Variants in WBP1L observed in about 807,000 individuals in gnomAD.
The protein encoded by WBP1L is WW domain binding protein 1-like.
In WBP1L, 17 loss-of-function variants were observed where a neutral mutation model predicts 33.7. The observed-to-expected ratio is 0.50, with a 90% CI of 0.34 to 0.76. The LOEUF is 0.76. WBP1L is among the 30% of genes least tolerant of loss of function. The pLI, the probability that WBP1L is intolerant of heterozygous loss-of-function variation, is 0.01. For synonymous variants in WBP1L, 173 were observed against 190.8 expected, an observed-to-expected ratio of 0.91 and a Z score of 0.77; for missense variants, 389 against 469.4, an observed-to-expected ratio of 0.83 and a Z score of 1.58.
chr10:102,798,244 C>A (rs1843601560), intron 2 of WBP1L, 149 bp downstream of exon 2: 1 of 640,896 alleles, frequency 1.6e-6, no homozygotes, highest in East Asian at 2.8e-5. Flanking sequence ...GAAGTGCTTC[C>A]TTTGTAGAGG....
intron 1 of WBP1L, among the ~76,000 whole-genome samples, chr10:102,785,781 C>T (rs907680453): frequency 1.6e-4 from 24 of 152,346 alleles, no homozygotes; most frequent in Admixed American, 1.2e-3. Flanking sequence ...GCTAAAGAAG[C>T]CATGCTTCTC....
chr10:102,794,539 G>A (rs374629296), intron 1 of WBP1L, among the ~76,000 whole-genome samples: 1 of 151,996 alleles, frequency 6.6e-6, no homozygotes, highest in East Asian at 1.9e-4. Context: ...CAGACCTAGG[G>A]CCATTGAGTA....
In WBP1L at chr10:102,808,987, A is replaced by G. The variant is rs574510531; in HGVS notation, c.194-906A>G. On this transcript the variant is annotated intron_variant, in intron 2 of 3. Transcript: ENST00000448841. ...AACCTATAATACGGGGGGACCCATC[A>G]GTGGTGCTGGAGAGATGCCTTGGCA... Among the ~76,000 whole-genome samples the G allele has an allele frequency of 3.9e-5, 6 of 152,350 alleles. No individual in the cohort carries two copies. The East Asian group carries it at 1.2e-3, about 29-fold the overall frequency.
At chr10:102,790,099 C>T (rs1297920362) in intron 1 of WBP1L, among the ~76,000 whole-genome samples, 1 of 151,784 alleles carries the variant, frequency 6.6e-6, no homozygotes, top group Admixed American at 6.6e-5. Context: ...TTAAATATTT[C>T]CTCTCCTCCA....
intron 2 of WBP1L, among the ~76,000 whole-genome samples, chr10:102,800,854 T>G (rs1408196113): frequency 1.3e-5 from 2 of 152,146 alleles, no homozygotes; most frequent in East Asian, 1.9e-4. Context: ...TTGGGCTGAT[T>G]TCCTTCCCAC....
At chr10:102,769,356 CTTTCTTTTT>C (rs1162696036) in intron 1 of WBP1L, among the ~76,000 whole-genome samples, 1 of 134,664 alleles carries the variant, frequency 7.4e-6, no homozygotes, top group East Asian at 2.1e-4. Context: ...TTTCTTTTTT[CTTTCTTTTT>C]TTTTTTTTTA....
intron 3 of WBP1L, among the ~76,000 whole-genome samples, chr10:102,811,335 G>C (rs970766234): frequency 6.6e-6 from 1 of 152,108 alleles, no homozygotes; most frequent in Non-Finnish European, 1.5e-5. Flanking sequence ...GTGGCATTGG[G>C]ACTTCTGAGC....
intron 1 of WBP1L, among the ~76,000 whole-genome samples, chr10:102,754,412 T>C (rs1028431041): frequency 3.9e-5 from 6 of 152,218 alleles, no homozygotes; most frequent in Non-Finnish European, 8.8e-5. Flanking sequence ...TTCACCTTTT[T>C]TTTGGAGATG....
At chr10:102,784,880 T>C (rs112865568) in intron 1 of WBP1L, among the ~76,000 whole-genome samples, 2 of 37,490 alleles carry the variant, frequency 5.3e-5, no homozygotes, top group Non-Finnish European at 1.1e-4. Context: ...TTCTTTTTTT[T>C]TTTTTTTTAG....
chr10:102,760,854 C>A (rs1388920867), intron 1 of WBP1L, among the ~76,000 whole-genome samples: 1 of 152,070 alleles, frequency 6.6e-6, no homozygotes, highest in Admixed American at 6.6e-5. Context: ...ATCTTTTATC[C>A]AATATATAAA....
At position 102,757,569 on chromosome 10, in the gene WBP1L, CTTT is replaced by C. The variant is rs60213859; in HGVS notation, c.90+13447_90+13449del. The stretch of plus-strand genomic sequence containing the variant: ...TCTCAGGGGAAGATGGTTTCTGAGC[CTTT>C]TTTTTTTTTTTTTTTTTTTTGTTGA... On this transcript the variant is annotated intron_variant, in intron 1 of 3. Coordinates refer to ENST00000448841, the MANE Select transcript of WBP1L (RefSeq NM_001083913.2). Among the ~76,000 whole-genome samples the C allele has an allele frequency of 9.0e-5, 8 of 88,786 alleles. No individual in the cohort carries two copies. The Admixed American group carries it at 1.1e-3, about 12-fold the overall frequency. The allele number at this position is 88,786 out of a possible 152,430, so 58.2% of individuals were successfully genotyped here.
At chr10:102,812,208 A>G (rs1048113710) in intron 3 of WBP1L, among the ~76,000 whole-genome samples, 8 of 152,218 alleles carry the variant, frequency 5.3e-5, no homozygotes, top group Admixed American at 2.0e-4. Flanking sequence ...TGGGACTTGG[A>G]TGAAGGACAC....
intron 1 of WBP1L, among the ~76,000 whole-genome samples, chr10:102,749,969 A>ACGG (rs1842909484): frequency 6.6e-6 from 1 of 151,240 alleles, no homozygotes; most frequent in Admixed American, 6.6e-5. Flanking sequence ...TTTTGTAGAT[A>ACGG]CGGGGTTTCA....
At chr10:102,758,391 C>T (rs933829805) in intron 1 of WBP1L, among the ~76,000 whole-genome samples, 4 of 152,196 alleles carry the variant, frequency 2.6e-5, no homozygotes, top group Non-Finnish European at 5.9e-5. Flanking sequence ...TCCCTCCAGT[C>T]CCTGGCAACC....
At chr10:102,802,582 G>A (rs183196887) in intron 2 of WBP1L, among the ~76,000 whole-genome samples, 2 of 152,124 alleles carry the variant, frequency 1.3e-5, no homozygotes, top group Admixed American at 6.5e-5. Context: ...GCATGATCTC[G>A]CTTCCCAGGT....
chr10:102,787,446 G>C (rs982325883), intron 1 of WBP1L, among the ~76,000 whole-genome samples: 5 of 152,128 alleles, frequency 3.3e-5, no homozygotes, highest in African/African-American at 1.2e-4. Flanking sequence ...AAATTAGCTG[G>C]GTGTGGTGGC....
intron 1 of WBP1L, among the ~76,000 whole-genome samples, chr10:102,745,119 CAT>C (rs907243399): frequency 6.6e-6 from 1 of 152,204 alleles, no homozygotes; most frequent in African/African-American, 2.4e-5. Flanking sequence ...GGCATACACA[CAT>C]AGACGCATAG....
intron 2 of WBP1L, among the ~76,000 whole-genome samples, chr10:102,806,102 G>A (rs189551934): frequency 6.6e-6 from 1 of 151,454 alleles, no homozygotes; most frequent in East Asian, 1.9e-4. Flanking sequence ...AGTTGCAGCT[G>A]CTGAGGAGGC....
At chr10:102,776,378 A>T (rs1434959828) in intron 1 of WBP1L, 1 of 1,614,018 alleles carries the variant, frequency 6.2e-7, no homozygotes, top group Non-Finnish European at 8.5e-7. Context: ...AGTGTGGACG[A>T]TGCTCTTGCA....
Sources: allele counts gnomAD v4.1 joint callset (sites outside exome capture counted in the v4.1 genomes callset), GRCh38; gene constraint gnomAD v4.1.1; transcripts MANE v1.5; gene names NCBI Gene and HGNC (gene_info 2026-07-23, HGNC 2026-07-21).